The following SPATA1 variants were observed in gnomAD, a reference collection of about 807,000 sequenced individuals.
The protein encoded by SPATA1 is spermatogenesis-associated protein 1.
SPATA1 carries 57 observed loss-of-function variants against 59.6 expected under a neutral mutation model. That is an observed-to-expected ratio of 0.96 (90% confidence interval 0.77 to 1.19). SPATA1 has a LOEUF of 1.19. Ranked by LOEUF, SPATA1 falls within the 50% of genes most tolerant of loss-of-function variation. The probability of loss-of-function intolerance (pLI) is 0.00; values close to 1 mark genes in which losing one functional copy is unlikely to be tolerated. For missense variants in SPATA1, 448 were observed against 480.7 expected, an observed-to-expected ratio of 0.93 and a Z score of 0.64; for synonymous variants, 147 against 163.9, an observed-to-expected ratio of 0.90 and a Z score of 0.79.
At chr1:84,561,196 A>G (rs1684588788) in intron 4 of SPATA1, among the ~76,000 whole-genome samples, 1 of 152,228 alleles carries the variant, frequency 6.6e-6, no homozygotes, top group Non-Finnish European at 1.5e-5. Flanking sequence ...GAGGAGGTCA[A>G]AATATCAACA....
chr1:84,563,375 G>A lies in SPATA1; in HGVS notation n.443-2486G>A. The A allele has an allele frequency of 3.8e-6, 6 of 1,582,384 alleles. No individual in the cohort carries two copies. The South Asian group carries it at 4.6e-5, about 12-fold the overall frequency. Reference sequence around the variant, plus strand: ...CTGACGTCCTGCAGCGTCACTACAAGGAGCCCCCCGGAAAGGGACTTTTGC... The same window carrying A: ...CTGACGTCCTGCAGCGTCACTACAAAGAGCCCCCCGGAAAGGGACTTTTGC... On this transcript the variant is annotated intron_variant and non_coding_transcript_variant, in intron 4 of 4. Transcript: ENST00000460286.
intron 12 of SPATA1, chr1:84,552,925 T>C: frequency 2.9e-6 from 2 of 679,366 alleles, no homozygotes; most frequent in Non-Finnish European, 5.0e-6. Flanking sequence ...TGAAGCCAAA[T>C]GAGAGAAGAC....
Position 84,537,431 on chromosome 1 carries a change from T to C in SPATA1, c.717+3665T>C, listed in dbSNP as rs564924986. 5.9e-5 allele frequency among the ~76,000 whole-genome samples: 9 copies of C among 152,268 alleles called. No homozygotes were observed. The East Asian group carries it at 1.7e-3, about 29-fold the overall frequency. On this transcript the variant is annotated intron_variant, in intron 8 of 12. Transcript: ENST00000490879. ...TTGGTCTGTAAAACCAAAAATTATTTTTAGTCTTCACAAATAGACGTCTAC... is the reference window on the plus strand; with the variant it reads ...TTGGTCTGTAAAACCAAAAATTATTCTTAGTCTTCACAAATAGACGTCTAC...
chr1:84,512,364 T>C (rs1682604036), intron 1 of SPATA1, among the ~76,000 whole-genome samples: 1 of 152,216 alleles, frequency 6.6e-6, no homozygotes, highest in South Asian at 2.1e-4. Flanking sequence ...GTATAGGTTA[T>C]AAGGGACTAG....
At chr1:84,515,812 A>T (rs11163992) in intron 1 of SPATA1, among the ~76,000 whole-genome samples, 1 of 152,030 alleles carries the variant, frequency 6.6e-6, no homozygotes, top group African/African-American at 2.4e-5. Flanking sequence ...TATATGATAT[A>T]ACAGTTTTCA....
At chr1:84,524,512 C>T (rs1683142162) in intron 4 of SPATA1, among the ~76,000 whole-genome samples, 1 of 152,080 alleles carries the variant, frequency 6.6e-6, no homozygotes, top group Non-Finnish European at 1.5e-5. Flanking sequence ...GTGGTTCAGG[C>T]AAGAGATAAT....
intron 8 of SPATA1, among the ~76,000 whole-genome samples, chr1:84,536,439 T>A (rs1428169380): frequency 6.6e-6 from 1 of 152,066 alleles, no homozygotes; most frequent in African/African-American, 2.4e-5. Context: ...AAGAGGAGAT[T>A]TATATCCACT....
chr1:84,519,214 A>G (rs1440056499), intron 2 of SPATA1, among the ~76,000 whole-genome samples: 1 of 152,120 alleles, frequency 6.6e-6, no homozygotes, highest in African/African-American at 2.4e-5. Context: ...GACAAAAGAA[A>G]AAGTATGTGC....
intron 8 of SPATA1, among the ~76,000 whole-genome samples, chr1:84,537,173 C>T (rs745349155): frequency 3.9e-5 from 6 of 152,160 alleles, no homozygotes; most frequent in Non-Finnish European, 7.4e-5. Context: ...CCACCACGCC[C>T]GGCCTACTTG....
chr1:84,558,244 ACAT>A (rs1684506462), downstream of SPATA1, among the ~76,000 whole-genome samples: 1 of 152,114 alleles, frequency 6.6e-6, no homozygotes, highest in Non-Finnish European at 1.5e-5. Context: ...ATATATCAAA[ACAT>A]CATCTTCTAC....
At chr1:84,540,361 A>G (rs564954580) in intron 8 of SPATA1, among the ~76,000 whole-genome samples, 2 of 152,094 alleles carry the variant, frequency 1.3e-5, no homozygotes, top group Non-Finnish European at 2.9e-5. Context: ...TTATAGTAAT[A>G]CACTTAAGCT....
chr1:84,529,210 A>G (rs1683358078), intron 6 of SPATA1, among the ~76,000 whole-genome samples: 1 of 152,126 alleles, frequency 6.6e-6, no homozygotes, highest in Admixed American at 6.5e-5. Context: ...ACAAACAAAT[A>G]TAAGTAATTC....
intron 2 of SPATA1, among the ~76,000 whole-genome samples, chr1:84,519,086 C>A (rs1477614350): frequency 6.6e-6 from 1 of 151,782 alleles, no homozygotes; most frequent in African/African-American, 2.4e-5. Flanking sequence ...ATTTAAGGGG[C>A]TACCAAAAAA....
In SPATA1 at chr1:84,513,842, A is replaced by ATTTTTTTTTT. The variant is rs60377217; in HGVS notation, c.-137-2373_-137-2364dup. Among the ~76,000 whole-genome samples the ATTTTTTTTTT allele has an allele frequency of 3.5e-4, 44 of 125,024 alleles. 1 individual carries two copies. The highest frequency in any genetic ancestry group is 6.1e-4 in the African/African-American group (19 of 31,000). The allele number at this position is 125,024 out of a possible 152,430, so 82.0% of individuals were successfully genotyped here. A position where few individuals can be genotyped will look rare whatever the true frequency, so the allele number is the denominator to read the frequency against. On this transcript the variant is annotated intron_variant, in intron 1 of 12. Transcript: ENST00000490879. ...TGATGACTTCTCTTTTCTATATTCT[A>ATTTTTTTTTT]TTTTTTTTTTTTTTTTTGAGACGGA...
intron 2 of SPATA1, among the ~76,000 whole-genome samples, chr1:84,517,605 A>G (rs1682851374): frequency 6.6e-6 from 1 of 151,988 alleles, no homozygotes; most frequent in Non-Finnish European, 1.5e-5. Flanking sequence ...TCCTTTAAGT[A>G]TCTGAGGCCA....
intron 6 of SPATA1, among the ~76,000 whole-genome samples, chr1:84,531,372 AG>A (rs1301813759): frequency 6.6e-6 from 1 of 151,876 alleles, no homozygotes. Context: ...CATGTTGGCC[AG>A]GCTGATCTTG....
chr1:84,518,236 A>G (rs58273089), intron 2 of SPATA1, among the ~76,000 whole-genome samples: 8,931 of 152,216 alleles, frequency 0.059, 411 homozygotes, highest in African/African-American at 0.12. Flanking sequence ...AACCAAATGC[A>G]TTGTGTGATC....
chr1:84,517,725 T>TA (rs201631665), intron 2 of SPATA1, among the ~76,000 whole-genome samples: 1,694 of 152,158 alleles, frequency 0.011, 11 homozygotes, highest in Non-Finnish European at 0.017. Context: ...ACTTGACTCT[T>TA]AAACTCCACT....
downstream of SPATA1, among the ~76,000 whole-genome samples, chr1:84,566,605 C>T (rs183335078): frequency 4.1e-4 from 63 of 152,184 alleles, 1 homozygote; most frequent in South Asian, 1.2e-3. Flanking sequence ...TCTTATTTTA[C>T]GGAAATATTC....
Sources: gnomAD v4.1 joint callset for allele counts (sites outside exome capture counted in the v4.1 genomes callset) on GRCh38, gnomAD v4.1.1 for gene constraint, MANE v1.5 for transcripts, NCBI Gene and HGNC (gene_info 2026-07-23, HGNC 2026-07-21) for gene names.